Variants in PCDH7 observed in about 807,000 individuals in gnomAD.
PCDH7 encodes protocadherin 7.
In PCDH7, 17 loss-of-function variants were observed where a neutral mutation model predicts 58.9. That is an observed-to-expected ratio of 0.29 (90% CI 0.20 to 0.43). The LOEUF is 0.43. PCDH7 is among the 20% of genes least tolerant of loss of function. The pLI, the probability that PCDH7 is intolerant of heterozygous loss-of-function variation, is 1.00. For missense variants in PCDH7, 1,274 were observed against 1,441.0 expected, an observed-to-expected ratio of 0.88 and a Z score of 1.88; for synonymous variants, 664 against 616.4, an observed-to-expected ratio of 1.08 and a Z score of -1.14.
chr4:30,873,109 TTTGA>T (rs1326229911), intron 1 of PCDH7, among the ~76,000 whole-genome samples: 1 of 152,066 alleles, frequency 6.6e-6, no homozygotes, highest in Non-Finnish European at 1.5e-5. Flanking sequence ...GATTTATCAG[TTTGA>T]TTAAGATGAA....
intron 3 of PCDH7, among the ~76,000 whole-genome samples, chr4:31,060,449 C>T (rs1331753406): frequency 2.0e-5 from 3 of 151,754 alleles, no homozygotes. Context: ...TTGTTTGATG[C>T]CCCTTGGTGG....
chr4:31,051,840 C>G (rs7657171), intron 3 of PCDH7, among the ~76,000 whole-genome samples: 87,319 of 146,216 alleles, frequency 0.6, 27,375 homozygotes, highest in African/African-American at 0.82. Flanking sequence ...GTGTGGGGGG[C>G]GGGTAGGGGA....
At chr4:30,814,828 G>A (rs866949722) in intron 1 of PCDH7, among the ~76,000 whole-genome samples, 6 of 152,094 alleles carry the variant, frequency 3.9e-5, no homozygotes, top group Non-Finnish European at 8.8e-5. Flanking sequence ...AAGAATGTAA[G>A]AGTGAATTAG....
chr4:31,046,572 C>T (rs1435894687), intron 3 of PCDH7, among the ~76,000 whole-genome samples: 2 of 151,794 alleles, frequency 1.3e-5, no homozygotes, highest in East Asian at 3.9e-4. Flanking sequence ...GTAAAGGATG[C>T]TTTTTATTTC....
At chr4:31,136,450 T>C (rs1452284839) in intron 3 of PCDH7, among the ~76,000 whole-genome samples, 1 of 152,186 alleles carries the variant, frequency 6.6e-6, no homozygotes, top group Admixed American at 6.5e-5. Context: ...AGTTCATTGC[T>C]CTTTGCAGGA....
intron 3 of PCDH7, among the ~76,000 whole-genome samples, chr4:31,038,203 G>A (rs1755568974): frequency 6.6e-6 from 1 of 152,214 alleles, no homozygotes; most frequent in Non-Finnish European, 1.5e-5. Context: ...GAGATTGTTT[G>A]ATATCTAGTA....
At chr4:30,734,525 C>T (rs530855495), downstream of PCDH7, among the ~76,000 whole-genome samples, 20 of 152,258 alleles carry the variant, frequency 1.3e-4, no homozygotes, top group Admixed American at 5.9e-4. Flanking sequence ...TGTGCCACTG[C>T]GCCTGGCCAT....
chr4:30,894,057 G>A (rs1180697469), intron 1 of PCDH7, among the ~76,000 whole-genome samples: 1 of 152,022 alleles, frequency 6.6e-6, no homozygotes, highest in African/African-American at 2.4e-5. Flanking sequence ...CAAATTTTCT[G>A]ATAATAAATT....
chr4:30,971,446 G>C (rs1459915280), intron 3 of PCDH7, among the ~76,000 whole-genome samples: 1 of 152,122 alleles, frequency 6.6e-6, no homozygotes, highest in Non-Finnish European at 1.5e-5. Flanking sequence ...GGTAATGCTG[G>C]CTCAATAATT....
chr4:30,761,158 T>C (rs1213184434), intron 1 of PCDH7, among the ~76,000 whole-genome samples: 1 of 152,214 alleles, frequency 6.6e-6, no homozygotes, highest in African/African-American at 2.4e-5. Flanking sequence ...TGAGGATGGG[T>C]TCTTGGCAGT....
At chr4:31,126,594 C>T (rs1339219983) in intron 3 of PCDH7, among the ~76,000 whole-genome samples, 7 of 152,134 alleles carry the variant, frequency 4.6e-5, no homozygotes. Context: ...TCTTCTTCAT[C>T]TTGGAATTTT....
intron 3 of PCDH7, among the ~76,000 whole-genome samples, chr4:31,135,704 C>T (rs1719517286): frequency 6.6e-6 from 1 of 152,120 alleles, no homozygotes. Flanking sequence ...ATCTAAAAGT[C>T]TAAGGCCATG....
intron 1 of PCDH7, among the ~76,000 whole-genome samples, chr4:30,751,418 A>G (rs1431465245): frequency 6.6e-6 from 1 of 152,180 alleles, no homozygotes; most frequent in Non-Finnish European, 1.5e-5. Context: ...CGAGCAAAAG[A>G]GTTCTTCTGT....
intron 3 of PCDH7, among the ~76,000 whole-genome samples, chr4:31,100,391 T>G (rs755237824): frequency 6.6e-6 from 1 of 152,140 alleles, no homozygotes; most frequent in Non-Finnish European, 1.5e-5. Context: ...AAGATACAGA[T>G]GAGATAATCA....
At chr4:30,876,084 G>A (rs1736247712) in intron 1 of PCDH7, among the ~76,000 whole-genome samples, 1 of 152,070 alleles carries the variant, frequency 6.6e-6, no homozygotes, top group African/African-American at 2.4e-5. Flanking sequence ...TAAAGCATTA[G>A]TCATATGAAA....
At chr4:30,855,917 G>A (rs1343648764) in intron 1 of PCDH7, among the ~76,000 whole-genome samples, 2 of 151,990 alleles carry the variant, frequency 1.3e-5, no homozygotes, top group Admixed American at 6.6e-5. Flanking sequence ...GTAAAATGTC[G>A]GATCTGTCGG....
At chr4:30,798,014 A>G (rs572856003) in intron 1 of PCDH7, among the ~76,000 whole-genome samples, 1 of 152,172 alleles carries the variant, frequency 6.6e-6, no homozygotes, top group Non-Finnish European at 1.5e-5. Flanking sequence ...AGGATCTACT[A>G]TATTGCTGGA....
chr4:30,878,055 T>C (rs1430598711), intron 1 of PCDH7, among the ~76,000 whole-genome samples: 1 of 152,106 alleles, frequency 6.6e-6, no homozygotes, highest in African/African-American at 2.4e-5. Context: ...TGGATTGATA[T>C]GGTAATTAAG....
chr4:31,114,804 T>G (rs1484581360), intron 3 of PCDH7, among the ~76,000 whole-genome samples: 1 of 152,136 alleles, frequency 6.6e-6, no homozygotes, highest in East Asian at 1.9e-4. Context: ...ATCAGACTCC[T>G]TAAATAAAAA....
Sources: allele counts gnomAD v4.1 joint callset (sites outside exome capture counted in the v4.1 genomes callset), GRCh38; gene constraint gnomAD v4.1.1; transcripts MANE v1.5; gene names NCBI Gene and HGNC (gene_info 2026-07-23, HGNC 2026-07-21).